The following FUT8 variants were observed in gnomAD, a reference collection of about 807,000 sequenced individuals.
FUT8 encodes the protein alpha-(1,6)-fucosyltransferase.
A neutral mutation model predicts 71.3 loss-of-function variants in FUT8; 29 were observed. The ratio of observed to expected loss-of-function variants is 0.41; its 90% CI spans 0.30 to 0.55. The LOEUF is 0.55. Ranked by LOEUF, FUT8 falls within the 20% of genes least tolerant of loss-of-function variation. FUT8 has a pLI of 0.34. For synonymous variants in FUT8, 254 were observed against 239.3 expected (o/e 1.06, Z -0.57); for missense variants, 544 against 702.1 (o/e 0.77, Z 2.55).
the FUT8 span, among the ~76,000 whole-genome samples, chr14:65,376,323 G>A: frequency 3.3e-5 from 5 of 152,174 alleles, no homozygotes; most frequent in African/African-American, 1.2e-4. Context: ...TTGTGAACCT[G>A]ATTTTAGTAT....
At chr14:65,693,488 A>C (rs1893821258) in intron 7 of FUT8, among the ~76,000 whole-genome samples, 1 of 152,252 alleles carries the variant, frequency 6.6e-6, no homozygotes, top group South Asian at 2.1e-4. Flanking sequence ...TCAGCTCGGC[A>C]TCACAGGGAG....
In FUT8 at chr14:65,641,917, C is replaced by G. The variant is rs1890861510; in HGVS notation, c.597+12311C>G. Among the ~76,000 whole-genome samples the G allele has an allele frequency of 2.0e-5, 3 of 151,010 alleles. No homozygotes were observed. In the South Asian group the frequency reaches 6.3e-4, roughly 32 times the overall value. Reference sequence around the variant, plus strand: ...TGAGTTAAGGTTCTTTATATATATTCTAGATATGAGTCCTTTGTCTGATGT... The same window carrying G: ...TGAGTTAAGGTTCTTTATATATATTGTAGATATGAGTCCTTTGTCTGATGT... On this transcript the variant is annotated intron_variant, in intron 6 of 10. Transcript: ENST00000673929.
intron 6 of FUT8, among the ~76,000 whole-genome samples, chr14:65,668,056 A>G (rs1458141483): frequency 6.6e-6 from 1 of 152,140 alleles, no homozygotes; most frequent in African/African-American, 2.4e-5. Context: ...TCCTTTCACT[A>G]TATACAAAAA....
chr14:65,404,515 C>T, the FUT8 span, among the ~76,000 whole-genome samples: 7 of 148,886 alleles, frequency 4.7e-5, no homozygotes, highest in African/African-American at 5.0e-5. Context: ...CTTGCTCTGT[C>T]GCCAGGCTGG....
chr14:65,561,674 T>C lies in FUT8; in HGVS notation c.111T>C (p.Asp37=), dbSNP rs1256747346. 1 of 1,613,666 alleles carries C rather than the reference T, an allele frequency of 6.2e-7. No individual in the cohort carries two copies. The highest frequency in any genetic ancestry group is 1.7e-5 in the Admixed American group (1 of 59,964). Residue 37 remains aspartate (D), a synonymous_variant, in exon 3 of 11, where the codon GAT becomes GAC. Coordinates refer to ENST00000673929, the MANE Select transcript of FUT8 (RefSeq NM_001371533.1). ...GHLVRDNDHP[D]HSSRELSKIL... ...TGGTACGAGATAATGACCATCCTGA[T>C]CACTCTAGCCGAGAACTGTCCAAGA...
intron 2 of FUT8, among the ~76,000 whole-genome samples, chr14:65,545,854 T>C (rs573291941): frequency 9.2e-5 from 14 of 151,970 alleles, no homozygotes; most frequent in African/African-American, 3.4e-4. Context: ...GTGAAAAATA[T>C]AGTTTTCACT....
intron 1 of FUT8, among the ~76,000 whole-genome samples, chr14:65,447,948 G>A (rs560370871): frequency 6.6e-6 from 1 of 152,140 alleles, no homozygotes; most frequent in African/African-American, 2.4e-5. Flanking sequence ...CCAGCTCCTG[G>A]GCTCCTCATA....
intron 2 of FUT8, chr14:65,471,031 TG>T: frequency 2.2e-6 from 1 of 447,894 alleles, no homozygotes. Flanking sequence ...AATCCTTAAA[TG>T]GGGTCTGAGG....
chr14:65,465,007 T>G (rs2066022130), intron 2 of FUT8, among the ~76,000 whole-genome samples: 1 of 152,202 alleles, frequency 6.6e-6, no homozygotes. Context: ...AAAAATTGAT[T>G]TAGGCTTATT....
intron 6 of FUT8, among the ~76,000 whole-genome samples, chr14:65,668,926 G>A (rs1892345935): frequency 6.6e-6 from 1 of 152,086 alleles, no homozygotes; most frequent in African/African-American, 2.4e-5. Context: ...AACTAATGCA[G>A]GAACAGAAAA....
chr14:65,698,224 A>G (rs1006233981), intron 7 of FUT8, among the ~76,000 whole-genome samples: 2 of 152,228 alleles, frequency 1.3e-5, no homozygotes, highest in African/African-American at 4.8e-5. Context: ...AAAATTAACC[A>G]TAACTTCTTA....
intron 2 of FUT8, chr14:65,471,109 A>G: frequency 2.2e-6 from 1 of 461,582 alleles, no homozygotes. Flanking sequence ...GTAAGGGTAG[A>G]GGGATGAGGG....
chr14:65,584,283 A>G (rs898258304), intron 3 of FUT8, among the ~76,000 whole-genome samples: 1 of 151,132 alleles, frequency 6.6e-6, no homozygotes, highest in African/African-American at 2.4e-5. Context: ...GATTCAAGCG[A>G]TTCTCCTGCC....
chr14:65,725,706 C>T (rs955494856), intron 9 of FUT8, among the ~76,000 whole-genome samples: 1 of 152,118 alleles, frequency 6.6e-6, no homozygotes. Flanking sequence ...GTTAAATGCC[C>T]AGTAAATATT....
At chr14:65,591,253 A>T (rs551953211) in intron 3 of FUT8, among the ~76,000 whole-genome samples, 1 of 152,258 alleles carries the variant, frequency 6.6e-6, no homozygotes, top group South Asian at 2.1e-4. Context: ...TTAATGGTCT[A>T]TATGGGTTTC....
Position 65,664,706 on chromosome 14 carries a change from G to A in FUT8, c.598-4537G>A, listed in dbSNP as rs563149832. On this transcript the variant is annotated intron_variant, in intron 6 of 10. Transcript: ENST00000673929. ...TTGTTTCTAGGGCTCTGCTTGACAG[G>A]ACAGATAATATCCCTGGAAAATAGT... Among the ~76,000 whole-genome samples the A allele has an allele frequency of 5.3e-5, 8 of 152,202 alleles. No homozygotes were observed. The South Asian group carries it at 1.2e-3, about 24-fold the overall frequency.
intron 3 of FUT8, among the ~76,000 whole-genome samples, chr14:65,613,046 G>GT (rs140875409): frequency 0.14 from 21,338 of 147,610 alleles, 2,057 homozygotes; most frequent in East Asian, 0.48. Context: ...TTCTTTTCCA[G>GT]TTTTTTTTTT....
the FUT8 span, among the ~76,000 whole-genome samples, chr14:65,400,340 G>T: frequency 6.6e-6 from 1 of 151,974 alleles, no homozygotes; most frequent in African/African-American, 2.4e-5. Flanking sequence ...CATTATTCTT[G>T]ATATTTCTTA....
chr14:65,405,806 A>C (rs2065087141), upstream of FUT8, among the ~76,000 whole-genome samples: 1 of 152,226 alleles, frequency 6.6e-6, no homozygotes, highest in Non-Finnish European at 1.5e-5. Context: ...CCACTTGGCA[A>C]ATGACTAATG....
Sources: allele counts gnomAD v4.1 joint callset (sites outside exome capture counted in the v4.1 genomes callset), GRCh38; gene constraint gnomAD v4.1.1; transcripts MANE v1.5; gene names NCBI Gene and HGNC (gene_info 2026-07-23, HGNC 2026-07-21).